The following REPS2 variants were observed in gnomAD, a reference collection of about 807,000 sequenced individuals.
The protein encoded by REPS2 is ralBP1-associated Eps domain-containing protein 2.
In REPS2, 23 loss-of-function variants were observed where a neutral mutation model predicts 53.6. That is an observed-to-expected ratio of 0.43 (90% CI 0.31 to 0.61). REPS2 has a LOEUF of 0.61. Ranked by LOEUF, REPS2 falls within the 20% of genes least tolerant of loss-of-function variation. The pLI, the probability that REPS2 is intolerant of heterozygous loss-of-function variation, is 0.11. For missense variants in REPS2, 446 were observed against 534.9 expected, an observed-to-expected ratio of 0.83 and a Z score of 1.64; for synonymous variants, 238 against 218.6, an observed-to-expected ratio of 1.09 and a Z score of -0.78.
At chrX:17,064,762 A>G in intron 9 of REPS2, among the ~76,000 whole-genome samples, 1 of 111,929 alleles carries the variant, frequency 8.9e-6, no homozygotes, top group Middle Eastern at 4.6e-3. Flanking sequence ...GAAACCCAAT[A>G]CTCATGAGCA....
At chrX:17,041,874 G>A (rs752802563) in intron 5 of REPS2, among the ~76,000 whole-genome samples, 41 of 112,131 alleles carry the variant, frequency 3.7e-4, no homozygotes, top group Non-Finnish European at 7.0e-4. Context: ...AGCTTTGTTT[G>A]ATTTTTAAGA....
chrX:17,176,040 C>T, the REPS2 span, among the ~76,000 whole-genome samples: 2 of 112,246 alleles, frequency 1.8e-5, no homozygotes, highest in Non-Finnish European at 3.8e-5. Context: ...CACCCAATAA[C>T]CAGCACCCAC....
intron 13 of REPS2, among the ~76,000 whole-genome samples, chrX:17,086,715 C>A (rs1222871276): frequency 8.9e-6 from 1 of 112,576 alleles, no homozygotes; most frequent in African/African-American, 3.2e-5. Context: ...TATTGTTGGA[C>A]ATTTAATTTG....
chrX:17,187,068 C>T, the REPS2 span, among the ~76,000 whole-genome samples: 1 of 111,771 alleles, frequency 8.9e-6, no homozygotes, highest in African/African-American at 3.3e-5. Context: ...AGTTATACCT[C>T]AAAAGCTATT....
chrX:17,127,998 G>A (rs1288629193), intron 14 of REPS2, among the ~76,000 whole-genome samples: 1 of 111,510 alleles, frequency 9.0e-6, no homozygotes, highest in Non-Finnish European at 1.9e-5. Flanking sequence ...CTCACAATGT[G>A]GCAGCTGACT....
chrX:16,993,761 A>T (rs999274696), intron 1 of REPS2, among the ~76,000 whole-genome samples: 1 of 112,477 alleles, frequency 8.9e-6, no homozygotes, highest in South Asian at 3.6e-4. Context: ...AGTAGTAGAT[A>T]ATTGATACAG....
At chrX:17,005,802 C>A (rs1271314670) in intron 1 of REPS2, among the ~76,000 whole-genome samples, 1 of 112,310 alleles carries the variant, frequency 8.9e-6, no homozygotes, top group African/African-American at 3.2e-5. Flanking sequence ...AATTAATTCA[C>A]TTTTAATTTA....
chrX:17,162,712 C>T, the REPS2 span, among the ~76,000 whole-genome samples: 1 of 112,479 alleles, frequency 8.9e-6, no homozygotes, highest in Non-Finnish European at 1.9e-5. Context: ...CACAGAGAAC[C>T]CCTCAGCAAA....
intron 13 of REPS2, among the ~76,000 whole-genome samples, chrX:17,098,392 A>G (rs777764794): frequency 8.9e-6 from 1 of 112,019 alleles, no homozygotes; most frequent in South Asian, 3.7e-4. Context: ...TTTTTCAGGG[A>G]TTATATATCT....
rs2060432615 is a variant in REPS2 at position 16,946,752 on chromosome X, G to A, written c.-110G>A. ...GGGGGTGGTGGTGGCGGCGGCGGTG[G>A]TGGCGGCGGCGGCGGCGGCGGCAGC... is the stretch of plus-strand genomic sequence containing the variant. On this transcript the variant is annotated 5_prime_UTR_variant, in exon 1 of 18. In the 5' UTR this introduces an upstream ATG that the reference lacks. Transcript: ENST00000357277. The A allele has an allele frequency of 1.3e-6, 1 of 749,455 alleles. No homozygotes were observed. Among genetic ancestry groups the A allele is most frequent in the Non-Finnish European group, 1.6e-6 (1 of 637,911 alleles). 61.8% of individuals were successfully genotyped at this position (749,455 alleles called of 1,213,427 possible).
intron 14 of REPS2, 56 bp downstream of exon 14, chrX:17,103,835 C>A: frequency 1.9e-6 from 2 of 1,070,498 alleles, no homozygotes; most frequent in Non-Finnish European, 2.6e-6. Flanking sequence ...GTTGTCCTAT[C>A]GCTGTGCTTC....
chrX:17,138,890 G>A lies in REPS2; in HGVS notation c.1843G>A (p.Ala615Thr), dbSNP rs2063408081. Residue 615 changes from alanine (A) to threonine (T), a missense_variant, in exon 17 of 18, where the codon GCT becomes ACT. By Grantham distance (58) the Ala-to-Thr change is moderately conservative (BLOSUM62 0). Coordinates refer to ENST00000357277, the MANE Select transcript of REPS2 (RefSeq NM_004726.3). ...CAAACAGAAGAAGGCCATTCAAACT[G>A]CTATCCGCAAAAATAAAGAGGCAAA... ...SSKQKKAIQT[A>T]IRKNKEANAV... 1 of 1,203,582 alleles carries A rather than the reference G, an allele frequency of 8.3e-7. No homozygotes were observed. The highest frequency in any genetic ancestry group is 2.2e-5 in the Admixed American group (1 of 44,700).
intron 13 of REPS2, among the ~76,000 whole-genome samples, chrX:17,100,971 G>A (rs1367616945): frequency 9.1e-6 from 1 of 110,494 alleles, no homozygotes; most frequent in Non-Finnish European, 1.9e-5. Context: ...AAATGTGGGG[G>A]CTTCCCCCCA....
chrX:17,101,059 T>C (rs2062788856), intron 13 of REPS2, among the ~76,000 whole-genome samples: 1 of 103,370 alleles, frequency 9.7e-6, no homozygotes, highest in African/African-American at 3.5e-5. Context: ...TTTCTTTCTT[T>C]TTTTTTTTTT....
Position 17,135,308 on chromosome X carries a change from C to T in REPS2, c.1710C>T (p.Phe570=). The part of the protein sequence containing the change: ...QPPSKPIRRK[F]RPENQATENQ... ...CATCAAAGCCCATTCGTAGGAAATT[C>T]AGACCAGAAAACCAAGCTACAGAAA... The change falls in exon 16 of 18, where the codon TTC becomes TTT. Residue 570 remains phenylalanine (F), a synonymous_variant. Coordinates refer to ENST00000357277, the MANE Select transcript of REPS2 (RefSeq NM_004726.3). 1 of 1,211,483 alleles carries T rather than the reference C, an allele frequency of 8.3e-7. No homozygotes were observed. Among genetic ancestry groups the T allele is most frequent in the Non-Finnish European group, 1.1e-6 (1 of 895,215 alleles).
intron 3 of REPS2, 44 bp from the exon 4 acceptor site, chrX:17,025,015 A>G (rs1602713750): frequency 8.3e-7 from 1 of 1,211,068 alleles, no homozygotes; most frequent in East Asian, 3.0e-5. Flanking sequence ...TCAGAACGCC[A>G]GGCTTGAGTG....
chrX:17,142,909 T>C (rs1471240575), intron 17 of REPS2, among the ~76,000 whole-genome samples: 1 of 112,424 alleles, frequency 8.9e-6, no homozygotes, highest in Non-Finnish European at 1.9e-5. Context: ...TTATTCATGA[T>C]AGCCCAAACC....
chrX:17,022,569 C>A (rs1237833522), intron 3 of REPS2, among the ~76,000 whole-genome samples: 1 of 112,448 alleles, frequency 8.9e-6, no homozygotes, highest in African/African-American at 3.2e-5. Context: ...TAAATGGATT[C>A]TTGGAAATGT....
chrX:16,965,857 C>G (rs1035385706), intron 1 of REPS2, among the ~76,000 whole-genome samples: 1 of 112,828 alleles, frequency 8.9e-6, no homozygotes, highest in African/African-American at 3.2e-5. Flanking sequence ...TCTGCAATCC[C>G]GGCACCTCGG....
Sources: allele counts gnomAD v4.1 joint callset (sites outside exome capture counted in the v4.1 genomes callset), GRCh38; gene constraint gnomAD v4.1.1; transcripts MANE v1.5; gene names NCBI Gene and HGNC (gene_info 2026-07-23, HGNC 2026-07-21).